The following UBFD1 variants were observed in gnomAD, a reference collection of about 807,000 sequenced individuals.
UBFD1 encodes the protein ubiquitin family domain containing 1.
UBFD1 carries 12 observed loss-of-function variants against 35.1 expected under a neutral mutation model. The ratio of observed to expected loss-of-function variants is 0.34; its 90% CI spans 0.22 to 0.55. The LOEUF is 0.55. Among genes scored for constraint, UBFD1 ranks in the 20% least tolerant of loss-of-function variants. The probability of loss-of-function intolerance (pLI) is 0.89; values close to 1 mark genes in which losing one functional copy is unlikely to be tolerated. For synonymous variants in UBFD1, 178 were observed against 167.6 expected, an observed-to-expected ratio of 1.06 and a Z score of -0.48; for missense variants, 337 against 410.8, an observed-to-expected ratio of 0.82 and a Z score of 1.55.
rs181180227 is a variant in UBFD1, at chr16:23,563,147, A to G, written c.736+417A>G. Among the ~76,000 whole-genome samples the G allele has an allele frequency of 6.6e-3, 997 of 150,602 alleles. 10 individuals carry two copies. The highest frequency in any genetic ancestry group is 9.7e-3 in the Non-Finnish European group (660 of 67,858). ...GGCCCTTTGGGGCCTGCATTCTCAC[A>G]TGGCATCGATCCACTAGAGCCGAGT... On this transcript the variant is annotated intron_variant, in intron 5 of 6. Coordinates refer to ENST00000395878, the MANE Select transcript of UBFD1 (RefSeq NM_019116.3).
intron 5 of UBFD1, among the ~76,000 whole-genome samples, chr16:23,564,265 A>G (rs1355523306): frequency 6.6e-6 from 1 of 152,202 alleles, no homozygotes; most frequent in Non-Finnish European, 1.5e-5. Flanking sequence ...TAATCATCTA[A>G]AACACAAAAA....
chr16:23,558,469 A>C lies in UBFD1; in HGVS notation c.355+190A>C, dbSNP rs1047866992. 2.0e-5 allele frequency among the ~76,000 whole-genome samples: 3 copies of C among 152,232 alleles called. No individual in the cohort carries two copies. The East Asian group carries it at 5.8e-4, about 29-fold the overall frequency. ...CAAGTTTATAGAGCTAGTAAGTTGCAGAGCTGGGATTAAAGCCGAAGTCTG... is the reference window on the plus strand; with the variant it reads ...CAAGTTTATAGAGCTAGTAAGTTGCCGAGCTGGGATTAAAGCCGAAGTCTG... On this transcript the variant is annotated intron_variant, in intron 2 of 6. Transcript: ENST00000395878.
chr16:23,562,088 G>A (rs1297887573), intron 3 of UBFD1, 118 bp from the exon 4 acceptor site: 6 of 875,374 alleles, frequency 6.9e-6, no homozygotes, highest in Middle Eastern at 2.2e-4. Context: ...ATAGTCTGTC[G>A]TCATTAAAAG....
At position 23,573,104 on chromosome 16, in the gene UBFD1, T is replaced by C. The variant is rs1966108490; in HGVS notation, c.*2514T>C. 1 of 152,226 alleles carries C rather than the reference T, an allele frequency of 6.6e-6. No homozygotes were observed. The highest frequency in any genetic ancestry group is 6.5e-5 in the Admixed American group (1 of 15,286). The allele number at this position is 152,226 out of a possible 1,614,324, so 9.4% of individuals were successfully genotyped here. On this transcript the variant is annotated 3_prime_UTR_variant, in exon 7 of 7. Coordinates refer to ENST00000395878, the MANE Select transcript of UBFD1 (RefSeq NM_019116.3). The stretch of plus-strand genomic sequence containing the variant: ...GTAAGCAAATTGAAATACTCTTTCT[T>C]TTAGGTAGCGTCACAGTGGTTTTTT...
chr16:23,559,635 A>G lies in UBFD1; in HGVS notation c.523A>G (p.Lys175Glu), dbSNP rs772265935. ...TPKDAAQQDA[K>E]AEENKKEPLC... is the part of the protein sequence containing the mutation. ...CAAAGATGCTGCGCAGCAGGATGCA[A>G]AGGCCGAAGAGAACAAGAAGGAGCC... is the stretch of plus-strand genomic sequence containing the variant. Residue 175 changes from lysine to glutamate, a missense_variant, in exon 3 of 7, where the codon AAG becomes GAG. By Grantham distance (56) the Lys-to-Glu change is moderately conservative. Transcript: ENST00000395878. The G allele has an allele frequency of 6.2e-7, 1 of 1,614,258 alleles. No homozygotes were observed. The highest frequency in any genetic ancestry group is 8.5e-7 in the Non-Finnish European group (1 of 1,180,050).
At position 23,557,943 on chromosome 16, in the gene UBFD1, C is replaced by A; in HGVS notation, c.26-7C>A. On this transcript the variant is annotated splice_region_variant and splice_polypyrimidine_tract_variant and intron_variant, in intron 1 of 6. Transcript: ENST00000395878. ...CGGCGAGCGCCCACCCCCTAACCCC[C>A]TTGCAGGCATGGAGGAACCTGGCAT... is the stretch of plus-strand genomic sequence containing the variant. 1 of 1,344,360 alleles carries A rather than the reference C, an allele frequency of 7.4e-7. No individual in the cohort carries two copies. The highest frequency in any genetic ancestry group is 2.9e-5 in the East Asian group (1 of 34,718). 83.3% of individuals were successfully genotyped at this position (1,344,360 alleles called of 1,614,324 possible).
intron 3 of UBFD1, among the ~76,000 whole-genome samples, chr16:23,560,889 C>G (rs1219809289): frequency 6.6e-6 from 1 of 152,138 alleles, no homozygotes; most frequent in Non-Finnish European, 1.5e-5. Flanking sequence ...TTCTCATATT[C>G]CTGTTTTTCT....
Position 23,559,392 on chromosome 16 carries a change from C to A in UBFD1, c.356-76C>A, listed in dbSNP as rs568230418. The A allele has an allele frequency of 2.9e-4, 394 of 1,350,506 alleles. 3 individuals carry two copies. In the African/African-American group the frequency reaches 5.2e-3, roughly 18 times the overall value. 83.7% of individuals were successfully genotyped at this position (1,350,506 alleles called of 1,614,324 possible). A position where few individuals can be genotyped will look rare whatever the true frequency, so the allele number is the denominator to read the frequency against. On this transcript the variant is annotated intron_variant, in intron 2 of 6. Coordinates refer to ENST00000395878, the MANE Select transcript of UBFD1 (RefSeq NM_019116.3). The stretch of plus-strand genomic sequence containing the variant: ...GCAGTATTCACTTTTTGGTCTGTTA[C>A]CAAAGAGCTGTGTAGTATCCATACA...
chr16:23,572,323 C>G lies in UBFD1; in HGVS notation c.*1733C>G, dbSNP rs547946815. The G allele has an allele frequency of 1.6e-4, 25 of 152,414 alleles. No individual in the cohort carries two copies. The highest frequency in any genetic ancestry group is 5.0e-4 in the African/African-American group (21 of 41,588). 9.4% of individuals were successfully genotyped at this position (152,414 alleles called of 1,614,324 possible). A position where few individuals can be genotyped will look rare whatever the true frequency, so the allele number is the denominator to read the frequency against. On this transcript the variant is annotated 3_prime_UTR_variant, in exon 7 of 7. Transcript: ENST00000395878. ...GAAAGGAGCAGTCATTGCAGCTTTT[C>G]TGTCCTTGTCGGCCTGCAGTTCCTG...
chr16:23,557,734 A>C lies in UBFD1; in HGVS notation c.-9A>C, dbSNP rs1445185191. On this transcript the variant is annotated 5_prime_UTR_variant, in exon 1 of 7. Coordinates refer to ENST00000395878, the MANE Select transcript of UBFD1 (RefSeq NM_019116.3). ...TCTGCGGGAGCGGTGGGTGTTGTAC[A>C]CAATCATCATGGCGGCGGCCGGGGC... The C allele has an allele frequency of 1.3e-5, 17 of 1,338,104 alleles. No individual in the cohort carries two copies. Among genetic ancestry groups the C allele is most frequent in the Non-Finnish European group, 1.6e-5 (17 of 1,043,414 alleles). The allele number at this position is 1,338,104 out of a possible 1,614,324, so 82.9% of individuals were successfully genotyped here.
intron 5 of UBFD1, chr16:23,565,682 C>T (rs1000618336): frequency 7.8e-4 from 119 of 152,212 alleles, no homozygotes; most frequent in African/African-American, 2.8e-3. Context: ...GCCCACAGAA[C>T]TGAAGTAAAA....
At position 23,558,194 on chromosome 16, in the gene UBFD1, C is replaced by T. The variant is rs1965854389; in HGVS notation, c.270C>T (p.Ile90=). The T allele has an allele frequency of 6.2e-7, 1 of 1,609,536 alleles. No individual in the cohort carries two copies. The highest frequency in any genetic ancestry group is 8.5e-7 in the Non-Finnish European group (1 of 1,178,286). The stretch of plus-strand genomic sequence containing the variant: ...GCAGGGAGCTGGTGGACTTGAAGAT[C>T]ATCTGGAATAAGACCAAGCATGACG... ...GAGRELVDLK[I]IWNKTKHDVK... Residue 90 remains isoleucine (I), a synonymous_variant, in exon 2 of 7, where the codon ATC becomes ATT. Coordinates refer to ENST00000395878, the MANE Select transcript of UBFD1 (RefSeq NM_019116.3).
Sources: allele counts gnomAD v4.1 joint callset (sites outside exome capture counted in the v4.1 genomes callset), GRCh38; gene constraint gnomAD v4.1.1; transcripts MANE v1.5; gene names NCBI Gene and HGNC (gene_info 2026-07-23, HGNC 2026-07-21).